The following HNF1B variants were observed in gnomAD, a reference collection of about 807,000 sequenced individuals.
The protein encoded by HNF1B is hepatocyte nuclear factor 1-beta.
A neutral mutation model predicts 61.7 loss-of-function variants in HNF1B; 8 were observed. The observed-to-expected ratio is 0.13, with a 90% confidence interval of 0.08 to 0.23. The LOEUF (loss-of-function observed/expected upper bound fraction) is 0.23, where lower values mean the gene tolerates loss of function less well. HNF1B is among the 10% of genes least tolerant of loss of function. The pLI is 1.00. For missense variants in HNF1B, 562 were observed against 714.5 expected, an observed-to-expected ratio of 0.79 and a Z score of 2.43; for synonymous variants, 314 against 287.7, an observed-to-expected ratio of 1.09 and a Z score of -0.93.
At chr17:37,741,626 C>G (rs947501571) in intron 1 of HNF1B, among the ~76,000 whole-genome samples, 1 of 152,180 alleles carries the variant, frequency 6.6e-6, no homozygotes, top group African/African-American at 2.4e-5. Flanking sequence ...ATACTTTCAA[C>G]GGCTACGAAC....
At chr17:37,695,862 G>A (rs906060553) in intron 8 of HNF1B, among the ~76,000 whole-genome samples, 5 of 152,310 alleles carry the variant, frequency 3.3e-5, no homozygotes, top group Admixed American at 3.3e-4. Context: ...ATAGGTGGAA[G>A]GACTTGCTCT....
chr17:37,741,659 A>G (rs372059720), intron 1 of HNF1B, among the ~76,000 whole-genome samples: 8 of 152,340 alleles, frequency 5.3e-5, no homozygotes, highest in Non-Finnish European at 8.8e-5. Context: ...ACCTTAGGGG[A>G]AAAATTGCAT....
At chr17:37,703,532 C>T (rs1322850181) in intron 6 of HNF1B, among the ~76,000 whole-genome samples, 1 of 152,072 alleles carries the variant, frequency 6.6e-6, no homozygotes, top group Non-Finnish European at 1.5e-5. Flanking sequence ...TCCCCACGGG[C>T]CTTTTAATCA....
chr17:37,740,232 G>A (rs1273865709), intron 1 of HNF1B, among the ~76,000 whole-genome samples: 1 of 152,136 alleles, frequency 6.6e-6, no homozygotes, highest in African/African-American at 2.4e-5. Context: ...GCCTCCCAAA[G>A]TGCTGGGATT....
At chr17:37,702,227 G>C (rs1349436701) in intron 6 of HNF1B, among the ~76,000 whole-genome samples, 1 of 152,214 alleles carries the variant, frequency 6.6e-6, no homozygotes, top group Non-Finnish European at 1.5e-5. Context: ...GACACCTAGA[G>C]AGGCTTTCCT....
intron 8 of HNF1B, among the ~76,000 whole-genome samples, chr17:37,693,182 T>A (rs2032265097): frequency 9.0e-6 from 1 of 110,958 alleles, no homozygotes; most frequent in Non-Finnish European, 1.7e-5. Flanking sequence ...AGAGTGAGAT[T>A]CCATCTCAAA....
chr17:37,733,708 C>G lies in HNF1B; in HGVS notation c.658G>C (p.Asp220His), dbSNP rs377555356. The change falls in exon 3 of 9, where the codon GAT becomes CAT. Residue 220 changes from aspartate (D) to histidine (H), a missense_variant. Physicochemically the swap from Asp to His is moderately conservative, Grantham distance 81. This residue lies in a region of HNF1B where 69 missense variants were observed against 81.2 expected (regional missense o/e 0.85). Transcript: ENST00000617811. ...SQQSHGPGQS[D>H]DACSEPTNKK... ...TTGGTGGGCTCAGAGCAGGCATCAT[C>G]GGACTGCCCAGGCCCATGGCTCTGT... 7.1e-5 allele frequency: 114 copies of G among 1,614,072 alleles called. No individual in the cohort carries two copies. Among genetic ancestry groups the G allele is most frequent in the Non-Finnish European group, 9.0e-5 (106 of 1,180,052 alleles).
intron 4 of HNF1B, among the ~76,000 whole-genome samples, chr17:37,727,619 T>C (rs1464911750): frequency 1.3e-5 from 2 of 152,210 alleles, no homozygotes; most frequent in Non-Finnish European, 2.9e-5. Flanking sequence ...AGTGTGTTTG[T>C]AGGGCATCTT....
chr17:37,701,999 C>G (rs1391507729), intron 6 of HNF1B, among the ~76,000 whole-genome samples: 1 of 152,146 alleles, frequency 6.6e-6, no homozygotes, highest in South Asian at 2.1e-4. Flanking sequence ...AGGATTGGAT[C>G]CCCTGGTACC....
chr17:37,725,856 A>G lies in HNF1B; in HGVS notation c.1045+5739T>C, dbSNP rs115922318. On this transcript the variant is annotated intron_variant, in intron 4 of 8. Transcript: ENST00000617811. ...TTGCACTGTCTCAGAAGCCCCATTAAGTTGTTAAGGCATTTAGTAGTCCAG... is the reference window on the plus strand; with the variant it reads ...TTGCACTGTCTCAGAAGCCCCATTAGGTTGTTAAGGCATTTAGTAGTCCAG... Among the ~76,000 whole-genome samples the G allele has an allele frequency of 9.8e-3, 1,493 of 152,328 alleles. 30 individuals carry two copies. The highest frequency in any genetic ancestry group is 0.034 in the African/African-American group (1,405 of 41,562).
chr17:37,699,238 C>T (rs10083829), intron 7 of HNF1B, 44 bp from the exon 8 acceptor site: 1 of 1,467,942 alleles, frequency 6.8e-7, no homozygotes, highest in Non-Finnish European at 9.6e-7. Flanking sequence ...CATACACAGG[C>T]AAAGACACAG....
rs771697321 is a variant in HNF1B, at chr17:37,744,915, G to C, written c.-31C>G. On this transcript the variant is annotated 5_prime_UTR_variant, in exon 1 of 9. Transcript: ENST00000617811. ...AAGGACGGAAAAAGAAGGGGGTGAG[G>C]GGGTGGGTGGGTGCGAGAGAGGAGG... 274 of 1,392,510 alleles carry C rather than the reference G, an allele frequency of 2.0e-4. No homozygotes were observed. Among genetic ancestry groups the C allele is most frequent in the Non-Finnish European group, 2.5e-4 (244 of 985,574 alleles). 86.3% of individuals were successfully genotyped at this position (1,392,510 alleles called of 1,614,324 possible).
intron 3 of HNF1B, 66 bp from the exon 4 acceptor site, chr17:37,731,896 A>G: frequency 4.8e-6 from 5 of 1,047,478 alleles, no homozygotes; most frequent in Non-Finnish European, 7.3e-6. Flanking sequence ...TGCTTGGCCA[A>G]AAACACACAA....
intron 4 of HNF1B, 149 bp from the exon 5 acceptor site, chr17:37,710,812 T>G (rs1051636315): frequency 3.8e-5 from 30 of 782,982 alleles, no homozygotes; most frequent in Non-Finnish European, 6.1e-5. Context: ...ATCGGCTGCT[T>G]TTCTCCAGGG....
At chr17:37,742,719 A>G (rs1283500172) in intron 1 of HNF1B, among the ~76,000 whole-genome samples, 1 of 150,872 alleles carries the variant, frequency 6.6e-6, no homozygotes, top group Non-Finnish European at 1.5e-5. Flanking sequence ...GCTGGGGTCT[A>G]AGGACCCTGG....
In HNF1B at chr17:37,706,107, T is replaced by C. The variant is rs530950329; in HGVS notation, c.1207-1058A>G. On this transcript the variant is annotated intron_variant, in intron 5 of 8. Coordinates refer to ENST00000617811, the MANE Select transcript of HNF1B (RefSeq NM_000458.4). ...CCGAGTGGATGGAACCACAGGCACC[T>C]ACCACCACGCCTGGCTGATTTTTGT... 4.6e-5 allele frequency among the ~76,000 whole-genome samples: 7 copies of C among 152,148 alleles called. No homozygotes were observed. The South Asian group carries it at 1.5e-3, about 32-fold the overall frequency.
intron 4 of HNF1B, among the ~76,000 whole-genome samples, chr17:37,719,258 C>A (rs924176106): frequency 2.0e-5 from 3 of 151,976 alleles, no homozygotes; most frequent in Non-Finnish European, 2.9e-5. Context: ...GAGAGGCAAG[C>A]ATTCTTTTTA....
intron 2 of HNF1B, among the ~76,000 whole-genome samples, chr17:37,734,058 A>G (rs750821846): frequency 1.1e-4 from 16 of 152,214 alleles, no homozygotes; most frequent in Non-Finnish European, 2.2e-4. Context: ...GAGCTCAAAC[A>G]TAGCCAGCTA....
intron 6 of HNF1B, among the ~76,000 whole-genome samples, chr17:37,703,941 G>C (rs2032655352): frequency 6.6e-6 from 1 of 152,222 alleles, no homozygotes; most frequent in Non-Finnish European, 1.5e-5. Context: ...ACAAAACAAA[G>C]AGGTGGCCAA....
Sources: gnomAD v4.1 joint callset for allele counts (sites outside exome capture counted in the v4.1 genomes callset) on GRCh38, gnomAD v4.1.1 for gene constraint, gnomAD v4.1.1 regional missense constraint, MANE v1.5 for transcripts, NCBI Gene and HGNC (gene_info 2026-07-23, HGNC 2026-07-21) for gene names.